Variants in NBL1 observed in about 807,000 individuals in gnomAD.
The protein encoded by NBL1 is NBL1, DAN family BMP antagonist, also known as neuroblastoma suppressor of tumorigenicity 1.
Under a neutral mutation model 16.0 loss-of-function variants are expected in NBL1, and 9 were observed. The ratio of observed to expected loss-of-function variants is 0.56; its 90% CI spans 0.34 to 0.98. The LOEUF is 0.98. Among genes scored for constraint, NBL1 ranks in the 50% least tolerant of loss-of-function variants. The pLI, the probability that NBL1 is intolerant of heterozygous loss-of-function variation, is 0.02. For synonymous variants in NBL1, 86 were observed against 100.7 expected, an observed-to-expected ratio of 0.85 and a Z score of 0.87; for missense variants, 196 against 243.1, an observed-to-expected ratio of 0.81 and a Z score of 1.29.
chr1:19,647,805 G>T, intron 1 of NBL1: 1 of 380,446 alleles, frequency 2.6e-6, no homozygotes, highest in Non-Finnish European at 3.6e-6. Flanking sequence ...TGCCCTCCAC[G>T]GCTCTGCACC....
chr1:19,654,866 A>G, intron 1 of NBL1, 146 bp from the exon 2 acceptor site: 2 of 1,059,764 alleles, frequency 1.9e-6, no homozygotes, highest in Non-Finnish European at 2.6e-6. Context: ...GAGGGGAGAA[A>G]TAACTTGTCC....
rs1049959 is a variant in NBL1 at position 19,657,853 on chromosome 1, A to G, written c.*724A>G. ...AAGGGAAGAGTCTTCCAAGGCCAGA[A>G]GGAGGGGGACAACCCCCCAAGACCA... On this transcript the variant is annotated 3_prime_UTR_variant, in exon 4 of 4. Coordinates refer to ENST00000375136, the MANE Select transcript of NBL1 (RefSeq NM_005380.8). 0.16 allele frequency: 23,801 copies of G among 152,792 alleles called. 2,004 individuals are homozygous for G. Among genetic ancestry groups the G allele is most frequent in the East Asian group, 0.21 (1,106 of 5,160 alleles). The allele number at this position is 152,792 out of a possible 1,614,324, so 9.5% of individuals were successfully genotyped here.
chr1:19,652,402 A>G (rs753612), intron 1 of NBL1, among the ~76,000 whole-genome samples: 99,142 of 152,064 alleles, frequency 0.65, 32,980 homozygotes, highest in African/African-American at 0.77. Flanking sequence ...CTTTGTCAGC[A>G]AGACCGGAAA....
chr1:19,647,969 TCTG>T (rs938972342), intron 1 of NBL1, among the ~76,000 whole-genome samples: 1 of 152,100 alleles, frequency 6.6e-6, no homozygotes, highest in Non-Finnish European at 1.5e-5. Context: ...GTCTGTGTGT[TCTG>T]CGTTCATAGG....
chr1:19,643,677 G>A (rs1356134880), upstream of NBL1: 76 of 1,214,054 alleles, frequency 6.3e-5, no homozygotes, highest in Non-Finnish European at 7.2e-5. This position sits in a 1 kb window ranked among gnomAD's most constrained non-coding sequence, Gnocchi z 4.7. Context: ...GGGGCTTTTC[G>A]GGATGCTTAA....
intron 1 of NBL1, chr1:19,646,045 C>G (rs746110765): frequency 6.4e-7 from 1 of 1,550,538 alleles, no homozygotes; most frequent in Non-Finnish European, 8.7e-7. Flanking sequence ...TAAGGAGGGC[C>G]GTGGCCTGGG....
At chr1:19,655,468 G>A (rs371901214) in intron 3 of NBL1, 33 bp downstream of exon 3, 417 of 1,608,824 alleles carry the variant, frequency 2.6e-4, no homozygotes, top group South Asian at 8.4e-4. Flanking sequence ...ACCCAGTCTC[G>A]GCCCGGAGCC....
Position 19,657,068 on chromosome 1 carries a change from C to A in NBL1, c.485C>A (p.Thr162Asn). The change falls in exon 4 of 4, where the codon ACC (threonine) becomes AAC (asparagine). Residue 162 changes from threonine to asparagine, a missense_variant. Physicochemically the swap from Thr to Asn is moderately conservative, Grantham distance 65. Transcript: ENST00000375136. Reference sequence around the variant, plus strand: ...CCCCACCCCCATCCTGGCGGGCAGACCCCTGAGCCCGAGGACCCCCCTGGG... The same window carrying A: ...CCCCACCCCCATCCTGGCGGGCAGAACCCTGAGCCCGAGGACCCCCCTGGG... ...PHPHPHPGGQ[T>N]PEPEDPPGAP... is the part of the protein sequence containing the mutation. 2 of 1,535,638 alleles carry A rather than the reference C, an allele frequency of 1.3e-6. No homozygotes were observed. Among genetic ancestry groups the A allele is most frequent in the South Asian group, 1.2e-5 (1 of 82,948 alleles).
upstream of NBL1, chr1:19,643,449 G>A: frequency 6.2e-7 from 1 of 1,607,430 alleles, no homozygotes; most frequent in Non-Finnish European, 8.5e-7. The surrounding 1 kb of genome is among the most constrained non-coding windows in gnomAD (Gnocchi z 4.7). Flanking sequence ...TGTCCCAGTG[G>A]TGTCCCTGGG....
intron 1 of NBL1, chr1:19,645,966 C>T (rs1279662407): frequency 6.4e-7 from 1 of 1,550,536 alleles, no homozygotes; most frequent in African/African-American, 1.4e-5. Flanking sequence ...CAGCCTGGCC[C>T]TGCAGCAGCT....
intron 1 of NBL1, among the ~76,000 whole-genome samples, chr1:19,652,161 T>C (rs1291514537): frequency 6.6e-6 from 1 of 152,106 alleles, no homozygotes; most frequent in African/African-American, 2.4e-5. Context: ...GGGTCAGATA[T>C]AGGAGGACAA....
intron 3 of NBL1, 145 bp from the exon 4 acceptor site, chr1:19,656,721 C>A: frequency 7.3e-7 from 1 of 1,367,964 alleles, no homozygotes; most frequent in Non-Finnish European, 9.6e-7. Context: ...TCAATTTCCC[C>A]CTCCCCATGG....
intron 1 of NBL1, 67 bp from the exon 2 acceptor site, chr1:19,654,945 C>A (rs2095047477): frequency 5.4e-6 from 8 of 1,482,434 alleles, no homozygotes; most frequent in Non-Finnish European, 7.1e-6. Context: ...AGAGTCCATG[C>A]TGTAACACCA....
upstream of NBL1, chr1:19,643,994 C>CGGGGAGGGCGCTTAAGAACG: frequency 1.0e-6 from 1 of 985,334 alleles, no homozygotes; most frequent in Non-Finnish European, 1.2e-6. This position sits in a 1 kb window ranked among gnomAD's most constrained non-coding sequence, Gnocchi z 4.7. Context: ...CAGAGAAACC[C>CGGGGAGGGCGCTTAAGAACG]GGGGAGGGCG....
intron 1 of NBL1, among the ~76,000 whole-genome samples, chr1:19,646,643 A>G (rs1443360160): frequency 2.0e-5 from 3 of 152,186 alleles, no homozygotes; most frequent in Non-Finnish European, 1.5e-5. Flanking sequence ...GCTGCAGCCC[A>G]GCCACCCTCC....
upstream of NBL1, chr1:19,643,599 G>A: frequency 3.6e-6 from 5 of 1,398,440 alleles, no homozygotes; most frequent in Non-Finnish European, 4.6e-6. The surrounding 1 kb of genome is among the most constrained non-coding windows in gnomAD (Gnocchi z 4.7). Context: ...GGGGCCAGGA[G>A]CTCCACTCTT....
chr1:19,647,285 G>A (rs535839822), intron 1 of NBL1, among the ~76,000 whole-genome samples: 2 of 152,250 alleles, frequency 1.3e-5, no homozygotes, highest in African/African-American at 4.8e-5. Flanking sequence ...AATTAGCTGG[G>A]CATGGTGGTG....
chr1:19,645,397 A>G, intron 1 of NBL1: 1 of 986,604 alleles, frequency 1.0e-6, no homozygotes, highest in Non-Finnish European at 1.2e-6. Context: ...CAAAGGGGGC[A>G]GCCGCCTGCC....
chr1:19,650,167 A>G (rs899314417), intron 1 of NBL1, among the ~76,000 whole-genome samples: 8 of 152,156 alleles, frequency 5.3e-5, no homozygotes, highest in East Asian at 3.9e-4. Flanking sequence ...CCTAGGAGCA[A>G]TGGGCTATGC....
Sources: gnomAD v4.1 joint callset for allele counts (sites outside exome capture counted in the v4.1 genomes callset) on GRCh38, gnomAD v4.1.1 for gene constraint, Gnocchi (gnomAD v3.1) non-coding constraint, MANE v1.5 for transcripts, NCBI Gene and HGNC (gene_info 2026-07-23, HGNC 2026-07-21) for gene names.